The following CASP2 variants were observed in gnomAD, a reference collection of about 807,000 sequenced individuals.
The protein encoded by CASP2 is caspase 2, also known as caspase-2.
A neutral mutation model predicts 54.4 loss-of-function variants in CASP2; 38 were observed. The observed-to-expected ratio is 0.70, with a 90% CI of 0.54 to 0.92. The LOEUF (loss-of-function observed/expected upper bound fraction) is 0.92, where lower values mean the gene tolerates loss of function less well. Ranked by LOEUF, CASP2 falls within the 40% of genes least tolerant of loss-of-function variation. The pLI, the probability that CASP2 is intolerant of heterozygous loss-of-function variation, is 0.00. For missense variants in CASP2, 512 were observed against 579.6 expected (o/e 0.88, Z 1.20); for synonymous variants, 215 against 216.3 (o/e 0.99, Z 0.05).
At chr7:143,294,198 A>T (rs757972924) in intron 4 of CASP2, 32 bp from the exon 5 acceptor site, 2 of 1,080,926 alleles carry the variant, frequency 1.9e-6, no homozygotes, top group Non-Finnish European at 2.9e-6. Flanking sequence ...TAAGTTATAT[A>T]CTAGTTTTTT....
At chr7:143,300,328 G>A in intron 8 of CASP2, 34 bp downstream of exon 8, 2 of 1,610,246 alleles carry the variant, frequency 1.2e-6, no homozygotes, top group South Asian at 1.1e-5. Context: ...CCTGGGTGGT[G>A]GCTCCTGGGC....
chr7:143,302,777 C>T (rs1801951899), intron 8 of CASP2: 1 of 152,160 alleles, frequency 6.6e-6, no homozygotes, highest in South Asian at 2.1e-4. Context: ...TGACAGCACC[C>T]CTGCCCACAC....
In CASP2 at chr7:143,304,466, C is replaced by T. The variant is rs145852672; in HGVS notation, c.1118-208C>T. On this transcript the variant is annotated intron_variant, in intron 9 of 10. Transcript: ENST00000310447. ...AAAATTTGTATGACTTGCTTTATTG[C>T]CATATTCACTTTCTTAAGCTGGTCT... 3.1e-3 allele frequency among the ~76,000 whole-genome samples: 470 copies of T among 152,274 alleles called. 2 individuals carry two copies. The highest frequency in any genetic ancestry group is 0.011 in the African/African-American group (459 of 41,560).
rs1801611110 is a variant in CASP2 at position 143,292,657 on chromosome 7, G to A, written c.434G>A (p.Cys145Tyr). ...DYDLSLPFPV[C>Y]ESCPLYKKLR... is the part of the protein sequence containing the mutation. Reference sequence around the variant, plus strand: ...GACTTGAGTCTCCCTTTTCCGGTGTGTGAGTCCTGTCCCCTTTACAAGAAG... The same window carrying A: ...GACTTGAGTCTCCCTTTTCCGGTGTATGAGTCCTGTCCCCTTTACAAGAAG... The change falls in exon 4 of 11, where the codon TGT becomes TAT. Residue 145 changes from cysteine (C) to tyrosine (Y), a missense_variant. Cys to Tyr is a radical substitution (Grantham distance 194). Coordinates refer to ENST00000310447, the MANE Select transcript of CASP2 (RefSeq NM_032982.4). 1.9e-6 allele frequency: 3 copies of A among 1,613,406 alleles called. No individual in the cohort carries two copies. The highest frequency in any genetic ancestry group is 2.5e-6 in the Non-Finnish European group (3 of 1,180,024).
At chr7:143,288,677 G>A in intron 1 of CASP2, 148 bp downstream of exon 1, 2 of 719,772 alleles carry the variant, frequency 2.8e-6, no homozygotes, top group Non-Finnish European at 4.6e-6. Context: ...ACGCCCGCCC[G>A]AGCCGCTCCG....
At position 143,291,572 on chromosome 7, in the gene CASP2, A is replaced by G; in HGVS notation, c.107A>G (p.His36Arg). Reference protein sequence around the residue: ...ILGVCGMHPHHQETLKKNRVV... With the variant: ...ILGVCGMHPHRQETLKKNRVV... ...GGAGTGTGTGGCATGCATCCTCATC[A>G]TCAGGAAACTCTAAAAAAGAACCGA... The change falls in exon 2 of 11, where the codon CAT becomes CGT. Residue 36 changes from histidine to arginine, a missense_variant. Transcript: ENST00000310447. 1.2e-6 allele frequency: 2 copies of G among 1,614,050 alleles called. No individual in the cohort carries two copies. The highest frequency in any genetic ancestry group is 1.7e-6 in the Non-Finnish European group (2 of 1,180,004).
At chr7:143,303,131 T>C (rs923750122) in intron 8 of CASP2, 1 of 152,018 alleles carries the variant, frequency 6.6e-6, no homozygotes. Context: ...TTTAAAAAGT[T>C]ATTTTAAAAA....
chr7:143,300,920 C>G, intron 8 of CASP2: 3 of 1,023,358 alleles, frequency 2.9e-6, no homozygotes, highest in Non-Finnish European at 3.5e-6. Flanking sequence ...GATTAAAAGA[C>G]ACATAGGTGT....
intron 6 of CASP2, among the ~76,000 whole-genome samples, chr7:143,295,843 A>G (rs1198192792): frequency 6.6e-6 from 1 of 152,226 alleles, no homozygotes; most frequent in African/African-American, 2.4e-5. Flanking sequence ...CTTCAAAGCC[A>G]TGGCAGCAAC....
chr7:143,302,508 C>T (rs1410794775), intron 8 of CASP2: 1 of 152,248 alleles, frequency 6.6e-6, no homozygotes, highest in Non-Finnish European at 1.5e-5. Flanking sequence ...AGCTTCTAAA[C>T]TGGAGTGTAA....
chr7:143,303,589 C>T (rs577669481), intron 8 of CASP2, 195 bp from the exon 9 acceptor site: 1 of 526,536 alleles, frequency 1.9e-6, no homozygotes, highest in Admixed American at 3.1e-5. Context: ...GAGGCATCCC[C>T]TGAGTAACAG....
intron 6 of CASP2, among the ~76,000 whole-genome samples, chr7:143,296,248 TTTGG>T (rs1389730505): frequency 6.6e-6 from 1 of 152,236 alleles, no homozygotes; most frequent in Non-Finnish European, 1.5e-5. Context: ...ATTCTAATTC[TTTGG>T]TTGAATTGCT....
At chr7:143,297,597 C>T (rs2116786634) in intron 6 of CASP2, among the ~76,000 whole-genome samples, 1 of 152,284 alleles carries the variant, frequency 6.6e-6, no homozygotes, top group South Asian at 2.1e-4. Context: ...CAGGCGCATG[C>T]CACCACGCCC....
At position 143,288,434 on chromosome 7, in the gene CASP2, G is replaced by C. The variant is rs368033765; in HGVS notation, c.-22G>C. 1 of 1,611,620 alleles carries C rather than the reference G, an allele frequency of 6.2e-7. No homozygotes were observed. The highest frequency in any genetic ancestry group is 1.1e-5 in the South Asian group (1 of 90,960). On this transcript the variant is annotated 5_prime_UTR_variant, in exon 1 of 11. Transcript: ENST00000310447. ...TTTGGGCTGTGGGCGGTGCGCAGCG[G>C]AGAGCCCGGGAAAAGCGGGAAATGG... is the stretch of plus-strand genomic sequence containing the variant.
chr7:143,301,998 C>G (rs1801928855), intron 8 of CASP2: 1 of 152,170 alleles, frequency 6.6e-6, no homozygotes, highest in Non-Finnish European at 1.5e-5. Context: ...CTTTTCATTC[C>G]CTGCTCTATC....
chr7:143,303,504 C>T, intron 8 of CASP2: 3 of 298,598 alleles, frequency 1.0e-5, no homozygotes, highest in Non-Finnish European at 1.9e-5. Flanking sequence ...TGGCATTTTC[C>T]CTGTCTTACA....
intron 1 of CASP2, among the ~76,000 whole-genome samples, chr7:143,291,138 C>T (rs1370867794): frequency 2.6e-5 from 4 of 152,186 alleles, no homozygotes; most frequent in Non-Finnish European, 4.4e-5. Context: ...CATCTAAGAT[C>T]ATTATAAACT....
chr7:143,300,651 T>C, intron 8 of CASP2: 1 of 1,272,788 alleles, frequency 7.9e-7, no homozygotes, highest in South Asian at 1.5e-5. Flanking sequence ...ATTTTTGATC[T>C]GTCTTTTTCC....
Position 143,292,166 on chromosome 7 carries a change from G to C in CASP2, c.226-134G>C, listed in dbSNP as rs1801594564. The C allele has an allele frequency of 8.7e-6, 7 of 805,170 alleles. No homozygotes were observed. In the South Asian group the frequency reaches 1.0e-4, roughly 12 times the overall value. The allele number at this position is 805,170 out of a possible 1,614,324, so 49.9% of individuals were successfully genotyped here. The stretch of plus-strand genomic sequence containing the variant: ...ATATATAACTCAAGAATAACAGAAA[G>C]GACTTCACCCATACATACACTTTTC... On this transcript the variant is annotated intron_variant, in intron 2 of 10. Coordinates refer to ENST00000310447, the MANE Select transcript of CASP2 (RefSeq NM_032982.4).
Sources: gnomAD v4.1 joint callset for allele counts (sites outside exome capture counted in the v4.1 genomes callset) on GRCh38, gnomAD v4.1.1 for gene constraint, MANE v1.5 for transcripts, NCBI Gene and HGNC (gene_info 2026-07-23, HGNC 2026-07-21) for gene names.